CDC42: variants seen among roughly 807,000 people sequenced by gnomAD.
The protein encoded by CDC42 is cell division control protein 42 homolog.
A neutral mutation model predicts 20.8 loss-of-function variants in CDC42; 1 was observed. That is an observed-to-expected ratio of 0.05 (90% CI 0.02 to 0.23). The LOEUF (loss-of-function observed/expected upper bound fraction) is 0.23. CDC42 is among the 10% of genes least tolerant of loss of function. The probability of loss-of-function intolerance (pLI) is 1.00; values close to 1 mark genes in which losing one functional copy is unlikely to be tolerated. For missense variants in CDC42, 49 were observed against 227.9 expected (o/e 0.21, Z 5.05); for synonymous variants, 72 against 84.8 (o/e 0.85, Z 0.83).
Position 22,060,331 on chromosome 1 carries a change from G to A in CDC42, c.-51+7589G>A, listed in dbSNP as rs559511881. Among the ~76,000 whole-genome samples the A allele has an allele frequency of 4.6e-5, 7 of 151,342 alleles. No individual in the cohort carries two copies. The South Asian group carries it at 8.3e-4, about 18-fold the overall frequency. ...CAGCCTGGGTGACAGCTGAGACTCC[G>A]TCTCAAAAAATTAAAAAAAAAAAAG... On this transcript the variant is annotated intron_variant, in intron 1 of 5. Transcript: ENST00000656825.
chr1:22,063,134 A>T (rs914920317), intron 1 of CDC42, among the ~76,000 whole-genome samples: 11 of 151,836 alleles, frequency 7.2e-5, no homozygotes, highest in African/African-American at 2.4e-4. Context: ...TCCACTTTGC[A>T]TGCTTGCTTG....
chr1:22,086,114 G>A (rs1393817787), intron 3 of CDC42, among the ~76,000 whole-genome samples: 1 of 152,104 alleles, frequency 6.6e-6, no homozygotes, highest in African/African-American at 2.4e-5. Flanking sequence ...CCAAAGTGCT[G>A]GGATTACAAG....
chr1:22,090,539 G>C (rs1349858953), intron 5 of CDC42: 1 of 987,384 alleles, frequency 1.0e-6, no homozygotes, highest in East Asian at 1.1e-4. Context: ...TTGTGTTGCT[G>C]TTGCTTTGGC....
chr1:22,068,036 T>G (rs146134583), intron 1 of CDC42, among the ~76,000 whole-genome samples: 1 of 152,198 alleles, frequency 6.6e-6, no homozygotes, highest in Non-Finnish European at 1.5e-5. Flanking sequence ...GAGCTGTGAT[T>G]GAGCCACTCC....
rs1018629810 is a variant in CDC42 at position 22,096,668 on chromosome 1, G to C, written c.*5151G>C. The stretch of plus-strand genomic sequence containing the variant: ...TCACTGTATTCTGTGTGCCTGTGCC[G>C]CGGTGCAGGTGGTCAGTTGGAACCC... On this transcript the variant is annotated 3_prime_UTR_variant, in exon 6 of 6. Coordinates refer to ENST00000656825, the MANE Select transcript of CDC42 (RefSeq NM_001791.4). 6.6e-6 allele frequency among the ~76,000 whole-genome samples: 1 copy of C among 152,192 alleles called. No homozygotes were observed. Among genetic ancestry groups the C allele is most frequent in the Non-Finnish European group, 1.5e-5 (1 of 68,036 alleles).
In CDC42 at chr1:22,098,883, C is replaced by T. The variant is rs184035636; in HGVS notation, c.*7366C>T. Among the ~76,000 whole-genome samples the T allele has an allele frequency of 1.5e-4, 23 of 152,246 alleles. No homozygotes were observed. The East Asian group carries it at 3.7e-3, about 24-fold the overall frequency. ...AAGCGATCCTCCCGCCTCAGCCTCC[C>T]GAGTAGAAGGTACTACAGGTGTGTG... On this transcript the variant is annotated 3_prime_UTR_variant, in exon 6 of 6. Coordinates refer to ENST00000656825, the MANE Select transcript of CDC42 (RefSeq NM_001791.4).
chr1:22,076,727 A>G (rs967214665), intron 1 of CDC42, among the ~76,000 whole-genome samples: 1 of 152,188 alleles, frequency 6.6e-6, no homozygotes, highest in Non-Finnish European at 1.5e-5. Flanking sequence ...CCAGTAATTG[A>G]TTGATCTTAG....
At chr1:22,056,917 C>T (rs145714129) in intron 1 of CDC42, among the ~76,000 whole-genome samples, 4 of 152,348 alleles carry the variant, frequency 2.6e-5, no homozygotes, top group Non-Finnish European at 5.9e-5. Flanking sequence ...GGCTCTGTTA[C>T]TGTTGTTCTG....
At chr1:22,082,822 G>T (rs1469942904) in intron 3 of CDC42, among the ~76,000 whole-genome samples, 1 of 151,814 alleles carries the variant, frequency 6.6e-6, no homozygotes, top group Non-Finnish European at 1.5e-5. Context: ...ATAATGTCAT[G>T]ATAAATGAGG....
At chr1:22,077,416 G>A (rs973983879) in intron 1 of CDC42, among the ~76,000 whole-genome samples, 1 of 152,120 alleles carries the variant, frequency 6.6e-6, no homozygotes, top group Admixed American at 6.5e-5. Flanking sequence ...GGTGCTATAG[G>A]AGCATGGTGG....
intron 5 of CDC42, chr1:22,090,886 C>G: frequency 3.0e-6 from 2 of 666,724 alleles, no homozygotes; most frequent in Non-Finnish European, 3.7e-6. Flanking sequence ...TTTTTGCTCC[C>G]TTGAATCTCC....
At position 22,100,439 on chromosome 1, in the gene CDC42, G is replaced by T. The variant is rs1329501983; in HGVS notation, c.*8922G>T. Among the ~76,000 whole-genome samples the T allele has an allele frequency of 6.6e-6, 1 of 152,170 alleles. No homozygotes were observed. Among genetic ancestry groups the T allele is most frequent in the African/African-American group, 2.4e-5 (1 of 41,416 alleles). On this transcript the variant is annotated 3_prime_UTR_variant, in exon 6 of 6. Transcript: ENST00000656825. The stretch of plus-strand genomic sequence containing the variant: ...TGCATAGGCTTTGGATTTGAGTTTG[G>T]CTCTGCCACTAACTTGATCTATGTC...
Position 22,095,443 on chromosome 1 carries a change from G to C in CDC42, c.*3926G>C, listed in dbSNP as rs1398974115. ...TGCCACCATGCCTGGCTAATGTTTT[G>C]TATTTTTAGTAGAGATAGGGTTTCA... On this transcript the variant is annotated 3_prime_UTR_variant, in exon 6 of 6. Coordinates refer to ENST00000656825, the MANE Select transcript of CDC42 (RefSeq NM_001791.4). Among the ~76,000 whole-genome samples the C allele has an allele frequency of 6.6e-6, 1 of 152,062 alleles. No homozygotes were observed. The highest frequency in any genetic ancestry group is 1.5e-5 in the Non-Finnish European group (1 of 68,008).
At chr1:22,089,906 C>T (rs557322265) in intron 5 of CDC42, 3 of 1,606,116 alleles carry the variant, frequency 1.9e-6, no homozygotes, top group South Asian at 2.2e-5. Context: ...ATCCTCTAAC[C>T]TGGCTGCTAT....
At position 22,096,982 on chromosome 1, in the gene CDC42, A is replaced by G. The variant is rs907602106; in HGVS notation, c.*5465A>G. On this transcript the variant is annotated 3_prime_UTR_variant, in exon 6 of 6. Coordinates refer to ENST00000656825, the MANE Select transcript of CDC42 (RefSeq NM_001791.4). ...GTTATTCTACATTGTATTTATTTAG[A>G]TAGTGGGATTGAAAATAGGCTAAGA... Among the ~76,000 whole-genome samples, 3 of 152,232 alleles carry G rather than the reference A, an allele frequency of 2.0e-5. No individual in the cohort carries two copies. Among genetic ancestry groups the G allele is most frequent in the Non-Finnish European group, 4.4e-5 (3 of 68,038 alleles).
chr1:22,057,674 A>T (rs889762632), intron 1 of CDC42, among the ~76,000 whole-genome samples: 4 of 150,400 alleles, frequency 2.7e-5, no homozygotes, highest in African/African-American at 9.8e-5. Context: ...ATAAGCCACT[A>T]TGTCTAGCCC....
At position 22,097,485 on chromosome 1, in the gene CDC42, G is replaced by A. The variant is rs952321826; in HGVS notation, c.*5968G>A. ...TTGAACTCCTGACCTCAGGTGATCC[G>A]CCCGTTGCGGCCTCCCTAAGTGCTG... On this transcript the variant is annotated 3_prime_UTR_variant, in exon 6 of 6. Transcript: ENST00000656825. Among the ~76,000 whole-genome samples the A allele has an allele frequency of 6.6e-6, 1 of 152,112 alleles. No individual in the cohort carries two copies. The highest frequency in any genetic ancestry group is 2.4e-5 in the African/African-American group (1 of 41,416).
chr1:22,054,371 A>G (rs185486034), intron 1 of CDC42, among the ~76,000 whole-genome samples: 3 of 152,086 alleles, frequency 2.0e-5, no homozygotes, highest in African/African-American at 7.2e-5. Context: ...ATGTACCACC[A>G]TGCCCCGCTA....
chr1:22,080,699 T>C (rs956140621), intron 2 of CDC42, among the ~76,000 whole-genome samples: 2 of 152,222 alleles, frequency 1.3e-5, no homozygotes, highest in African/African-American at 4.8e-5. Context: ...GTTGGGTCTT[T>C]TCCCATTTAG....
Sources: gnomAD v4.1 joint callset for allele counts (sites outside exome capture counted in the v4.1 genomes callset) on GRCh38, gnomAD v4.1.1 for gene constraint, MANE v1.5 for transcripts, NCBI Gene and HGNC (gene_info 2026-07-23, HGNC 2026-07-21) for gene names.